AGBL1: variants seen among roughly 807,000 people sequenced by gnomAD.
AGBL1 encodes the protein cytosolic carboxypeptidase 4.
AGBL1 carries 130 observed loss-of-function variants against 118.9 expected under a neutral mutation model. The ratio of observed to expected loss-of-function variants is 1.09; its 90% CI spans 0.95 to 1.26. The LOEUF is 1.26. AGBL1 is among the 50% of genes most tolerant of loss of function. The pLI, the probability that AGBL1 is intolerant of heterozygous loss-of-function variation, is 0.00. For synonymous variants in AGBL1, 555 were observed against 478.9 expected (o/e 1.16, Z -2.08); for missense variants, 1,584 against 1,298.1 (o/e 1.22, Z -3.38).
chr15:86,209,321 G>A (rs2078050872), intron 5 of AGBL1, among the ~76,000 whole-genome samples: 3 of 152,140 alleles, frequency 2.0e-5, no homozygotes, highest in Non-Finnish European at 4.4e-5. Context: ...TTCTGTAGAT[G>A]TCTATTAGGT....
intron 22 of AGBL1, among the ~76,000 whole-genome samples, chr15:86,756,908 G>C (rs1336697964): frequency 6.6e-6 from 1 of 150,932 alleles, no homozygotes; most frequent in Non-Finnish European, 1.5e-5. Flanking sequence ...CTGTAGTTTG[G>C]TTGTGTTGAC....
chr15:86,130,542 C>T (rs2076806243), intron 1 of AGBL1, among the ~76,000 whole-genome samples: 1 of 152,138 alleles, frequency 6.6e-6, no homozygotes, highest in Admixed American at 6.5e-5. Flanking sequence ...GATTTACCAC[C>T]TCCAAGTCTG....
At chr15:86,546,833 G>A (rs2083590573) in intron 20 of AGBL1, among the ~76,000 whole-genome samples, 1 of 152,186 alleles carries the variant, frequency 6.6e-6, no homozygotes, top group South Asian at 2.1e-4. Context: ...TCAGGAAGAA[G>A]CAAAGTTGCC....
At chr15:86,928,433 G>A (rs560809321) in intron 23 of AGBL1, among the ~76,000 whole-genome samples, 104 of 152,256 alleles carry the variant, frequency 6.8e-4, no homozygotes, top group African/African-American at 2.4e-3. Flanking sequence ...CAATGAACCC[G>A]ATTTTCTTTG....
chr15:86,843,531 A>C (rs914954891), intron 22 of AGBL1, among the ~76,000 whole-genome samples: 1 of 151,918 alleles, frequency 6.6e-6, no homozygotes, highest in Admixed American at 6.5e-5. Context: ...TTTTGTTTGT[A>C]TGTTTGGTCC....
At chr15:87,011,983 A>C (rs141673627) in intron 24 of AGBL1, among the ~76,000 whole-genome samples, 79 of 147,988 alleles carry the variant, frequency 5.3e-4, no homozygotes, top group Middle Eastern at 3.5e-3. Flanking sequence ...TCACCATGAA[A>C]CCTAAGAAAA....
At chr15:86,901,429 C>G (rs1033518123) in intron 22 of AGBL1, among the ~76,000 whole-genome samples, 1 of 151,882 alleles carries the variant, frequency 6.6e-6, no homozygotes, top group African/African-American at 2.4e-5. Flanking sequence ...TGCAGGTGCT[C>G]TATTTGAAAA....
chr15:86,231,041 A>C (rs1441342582), intron 6 of AGBL1, among the ~76,000 whole-genome samples: 3 of 152,316 alleles, frequency 2.0e-5, no homozygotes, highest in East Asian at 3.9e-4. Flanking sequence ...CGAATGTTTC[A>C]TGTCCAGCCC....
At chr15:86,206,483 C>T (rs961124616) in intron 5 of AGBL1, among the ~76,000 whole-genome samples, 4 of 152,158 alleles carry the variant, frequency 2.6e-5, no homozygotes, top group African/African-American at 9.7e-5. Flanking sequence ...CTGTTGTTTC[C>T]TGACTTTTTA....
intron 23 of AGBL1, among the ~76,000 whole-genome samples, chr15:86,979,755 G>T: frequency 6.6e-6 from 1 of 152,022 alleles, no homozygotes; most frequent in Non-Finnish European, 1.5e-5. Context: ...TGCCCGCCTT[G>T]GCCTTCCGAA....
At chr15:86,968,372 C>A (rs764410584) in intron 23 of AGBL1, among the ~76,000 whole-genome samples, 2 of 151,894 alleles carry the variant, frequency 1.3e-5, no homozygotes, top group South Asian at 2.1e-4. Context: ...TGGAAAAAAA[C>A]GACTTCTAAG....
intron 7 of AGBL1, among the ~76,000 whole-genome samples, chr15:86,252,191 G>A (rs1338862166): frequency 6.6e-6 from 1 of 152,168 alleles, no homozygotes; most frequent in Non-Finnish European, 1.5e-5. Flanking sequence ...GAACTGATAT[G>A]GCCTTTTAAA....
intron 5 of AGBL1, among the ~76,000 whole-genome samples, chr15:86,208,263 A>C (rs1200028654): frequency 6.6e-6 from 1 of 152,068 alleles, no homozygotes; most frequent in Non-Finnish European, 1.5e-5. Flanking sequence ...TTCATCAGGG[A>C]TATTGGTCTA....
intron 22 of AGBL1, among the ~76,000 whole-genome samples, chr15:86,838,787 T>G (rs1596537814): frequency 6.7e-6 from 1 of 149,398 alleles, no homozygotes; most frequent in Admixed American, 6.7e-5. Flanking sequence ...AAAAAAAAAT[T>G]TAAAAAAATA....
chr15:86,438,229 G>A (rs1193939382), intron 18 of AGBL1, among the ~76,000 whole-genome samples: 1 of 151,996 alleles, frequency 6.6e-6, no homozygotes, highest in Admixed American at 6.6e-5. Context: ...TTTATAAAGT[G>A]GTGAATGTTA....
chr15:86,380,592 C>T (rs1407732742), intron 17 of AGBL1, among the ~76,000 whole-genome samples: 1 of 146,356 alleles, frequency 6.8e-6, no homozygotes, highest in Non-Finnish European at 1.5e-5. Context: ...CTCCCTATGG[C>T]ATATTCATCC....
Position 86,522,926 on chromosome 15 carries a change from G to T in AGBL1, c.2672G>T (p.Gly891Val), listed in dbSNP as rs1164475232. ...KGLLYHLSSI[G>V]RSPVVFCDFH... is the part of the protein sequence containing the mutation. ...CTCCTCTACCACCTGAGCAGCATTG[G>T]CCGAAGTCCCGTGGTGAGTCACTTC... Residue 891 changes from glycine (G) to valine (V), a missense_variant, in exon 19 of 23, where the codon GGC becomes GTC. By Grantham distance (109) the Gly-to-Val change is moderately radical. Transcript: ENST00000614907. 2 of 1,613,910 alleles carry T rather than the reference G, an allele frequency of 1.2e-6. No individual in the cohort carries two copies. Among genetic ancestry groups the T allele is most frequent in the Non-Finnish European group, 1.7e-6 (2 of 1,179,822 alleles).
At chr15:86,784,989 A>G (rs1443131404) in intron 22 of AGBL1, among the ~76,000 whole-genome samples, 1 of 152,242 alleles carries the variant, frequency 6.6e-6, no homozygotes, top group East Asian at 1.9e-4. Context: ...GCACGGTATT[A>G]CAAATAATAG....
At chr15:86,885,644 G>A (rs2079959121) in intron 22 of AGBL1, among the ~76,000 whole-genome samples, 2 of 152,056 alleles carry the variant, frequency 1.3e-5, no homozygotes, top group East Asian at 1.9e-4. Flanking sequence ...CAGGAAAAAT[G>A]TATGTGAAAA....
Sources: gnomAD v4.1 joint callset for allele counts (sites outside exome capture counted in the v4.1 genomes callset) on GRCh38, gnomAD v4.1.1 for gene constraint, MANE v1.5 for transcripts, NCBI Gene and HGNC (gene_info 2026-07-23, HGNC 2026-07-21) for gene names.